Variants in KBTBD8 observed in about 807,000 individuals in gnomAD.
KBTBD8 encodes kelch repeat and BTB domain containing 8, also known as kelch repeat and BTB domain-containing protein 8.
In KBTBD8, 31 loss-of-function variants were observed where a neutral mutation model predicts 53.5. The ratio of observed to expected loss-of-function variants is 0.58; its 90% CI spans 0.44 to 0.78. KBTBD8 has a LOEUF of 0.78. Ranked by LOEUF, KBTBD8 falls within the 30% of genes least tolerant of loss-of-function variation. KBTBD8 has a pLI of 0.00. For synonymous variants in KBTBD8, 250 were observed against 247.3 expected, an observed-to-expected ratio of 1.01 and a Z score of -0.10; for missense variants, 642 against 735.8, an observed-to-expected ratio of 0.87 and a Z score of 1.48.
chr3:66,998,674 C>G (rs982699213), intron 1 of KBTBD8, among the ~76,000 whole-genome samples: 1 of 150,834 alleles, frequency 6.6e-6, no homozygotes, highest in African/African-American at 2.5e-5. Context: ...GCCCTCGGCT[C>G]TCGGCGGAGT....
At position 67,008,889 on chromosome 3, in the gene KBTBD8, G is replaced by A. The variant is rs115385435; in HGVS notation, c.*504G>A. ...ATCTATTTTTGTGTACTGTTTTCAA[G>A]TGTACTGAGATTTAAATGTGTTCTA... On this transcript the variant is annotated 3_prime_UTR_variant, in exon 4 of 4. Coordinates refer to ENST00000417314, the MANE Select transcript of KBTBD8 (RefSeq NM_032505.3). The A allele has an allele frequency of 7.4e-3, 1,135 of 154,116 alleles. 5 individuals are homozygous for A. The highest frequency in any genetic ancestry group is 0.017 in the Middle Eastern group (5 of 294). 9.5% of individuals were successfully genotyped at this position (154,116 alleles called of 1,614,324 possible).
rs761361658 is a variant in KBTBD8, at chr3:67,004,100, G to A, written c.1133G>A (p.Arg378Gln). The A allele has an allele frequency of 5.0e-6, 8 of 1,614,130 alleles. No homozygotes were observed. Among genetic ancestry groups the A allele is most frequent in the South Asian group, 1.1e-5 (1 of 91,078 alleles). Residue 378 changes from arginine (R) to glutamine (Q), a missense_variant, in exon 3 of 4, where the codon CGA (arginine) becomes CAA (glutamine). Coordinates refer to ENST00000417314, the MANE Select transcript of KBTBD8 (RefSeq NM_032505.3). ...TGGCTATCCAAACCATCCTTGCTTC[G>A]AGCCAGAATAGGCTGCAAACTTGTC... Reference protein sequence around the residue: ...NRWLSKPSLLRARIGCKLVYC... With the variant: ...NRWLSKPSLLQARIGCKLVYC...
chr3:66,998,976 C>T lies in KBTBD8; in HGVS notation c.17-5C>T, dbSNP rs1329584318. 1.9e-6 allele frequency: 3 copies of T among 1,585,576 alleles called. No homozygotes were observed. The highest frequency in any genetic ancestry group is 3.6e-5 in the Admixed American group (2 of 54,988). Reference sequence around the variant, plus strand: ...CTTGTAGTTGTACGATTTTTCTCCTCCTAGATTTAAGTAAGTCTTCCCCAA... The same window carrying T: ...CTTGTAGTTGTACGATTTTTCTCCTTCTAGATTTAAGTAAGTCTTCCCCAA... On this transcript the variant is annotated splice_region_variant and splice_polypyrimidine_tract_variant and intron_variant, in intron 1 of 3. Transcript: ENST00000417314.
chr3:67,001,315 G>T (rs1702016870), intron 2 of KBTBD8, among the ~76,000 whole-genome samples: 1 of 152,148 alleles, frequency 6.6e-6, no homozygotes, highest in African/African-American at 2.4e-5. Context: ...AATTAGAACG[G>T]CTGGAAATCT....
chr3:66,999,146 T>C lies in KBTBD8; in HGVS notation c.182T>C (p.Phe61Ser). The change falls in exon 2 of 4, where the codon TTT (phenylalanine) becomes TCT (serine). Residue 61 changes from phenylalanine (F) to serine (S), a missense_variant. Transcript: ENST00000417314. The part of the protein sequence containing the change: ...IVVEVDHGKT[F>S]SCHRNVLAAI... ...GTGGAAGTGGATCACGGGAAAACAT[T>C]TTCCTGTCATAGAAACGTTCTTGCT... 1.2e-6 allele frequency: 2 copies of C among 1,614,210 alleles called. No individual in the cohort carries two copies. The highest frequency in any genetic ancestry group is 8.5e-7 in the Non-Finnish European group (1 of 1,180,030).
intron 3 of KBTBD8, among the ~76,000 whole-genome samples, chr3:67,006,173 G>A (rs1260386305): frequency 6.6e-6 from 1 of 152,188 alleles, no homozygotes; most frequent in Admixed American, 6.5e-5. Context: ...ATGTCATCCA[G>A]TATGATGAAG....
intron 3 of KBTBD8, 129 bp from the exon 4 acceptor site, chr3:67,007,793 G>C: frequency 8.7e-6 from 5 of 572,478 alleles, no homozygotes; most frequent in Non-Finnish European, 1.5e-5. Context: ...GATTATAAAA[G>C]AAATGTTTTA....
intron 2 of KBTBD8, among the ~76,000 whole-genome samples, chr3:67,001,235 A>G (rs1366743534): frequency 6.6e-6 from 1 of 152,220 alleles, no homozygotes; most frequent in Non-Finnish European, 1.5e-5. Context: ...TCTTGGTACC[A>G]GCGCTGCTTC....
chr3:66,999,909 A>C (rs956457621), intron 2 of KBTBD8, among the ~76,000 whole-genome samples: 2 of 152,228 alleles, frequency 1.3e-5, no homozygotes, highest in Non-Finnish European at 2.9e-5. Flanking sequence ...GTCTACTATA[A>C]AACTTTTAAA....
At chr3:67,001,054 AT>A (rs1702014776) in intron 2 of KBTBD8, among the ~76,000 whole-genome samples, 1 of 152,126 alleles carries the variant, frequency 6.6e-6, no homozygotes, top group African/African-American at 2.4e-5. Flanking sequence ...AATTTTCTTG[AT>A]TCCTTAAAAT....
intron 2 of KBTBD8, 121 bp from the exon 3 acceptor site, chr3:67,003,074 A>G (rs1702031152): frequency 2.9e-6 from 3 of 1,043,460 alleles, no homozygotes; most frequent in East Asian, 2.4e-5. Context: ...ATCAGGGACT[A>G]TTTTAGGAAA....
rs1702109243 is a variant in KBTBD8 at position 67,010,616 on chromosome 3, TA to T, written c.*2234del. On this transcript the variant is annotated 3_prime_UTR_variant, in exon 4 of 4. Coordinates refer to ENST00000417314, the MANE Select transcript of KBTBD8 (RefSeq NM_032505.3). Reference sequence around the variant, plus strand: ...AATTTTGTATGAAGAACTATTTGTTTAAATTATATAGCTGGGATATTTTGCC... The same window carrying T: ...AATTTTGTATGAAGAACTATTTGTTTAATTATATAGCTGGGATATTTTGCC... 3.3e-5 allele frequency: 5 copies of T among 152,690 alleles called. No individual in the cohort carries two copies. In the Middle Eastern group the frequency reaches 0.014, roughly 415 times the overall value. 9.5% of individuals were successfully genotyped at this position (152,690 alleles called of 1,614,324 possible).
At chr3:66,998,447 G>A (rs1336968686) in intron 1 of KBTBD8, 76 bp downstream of exon 1, 1 of 1,126,930 alleles carries the variant, frequency 8.9e-7, no homozygotes, top group Non-Finnish European at 1.2e-6. Context: ...ACAGGCAGTG[G>A]GATGAGGACG....
At chr3:67,005,893 A>G (rs1702061039) in intron 3 of KBTBD8, among the ~76,000 whole-genome samples, 1 of 152,070 alleles carries the variant, frequency 6.6e-6, no homozygotes, top group Admixed American at 6.5e-5. Flanking sequence ...CCTGACCTGC[A>G]GTGATCCACC....
rs1443052820 is a variant in KBTBD8 at position 67,008,914 on chromosome 3, A to C, written c.*529A>C. 2 of 153,080 alleles carry C rather than the reference A, an allele frequency of 1.3e-5. No homozygotes were observed. The highest frequency in any genetic ancestry group is 1.3e-4 in the Admixed American group (2 of 15,374). 9.5% of individuals were successfully genotyped at this position (153,080 alleles called of 1,614,324 possible). On this transcript the variant is annotated 3_prime_UTR_variant, in exon 4 of 4. Coordinates refer to ENST00000417314, the MANE Select transcript of KBTBD8 (RefSeq NM_032505.3). The stretch of plus-strand genomic sequence containing the variant: ...GTGTACTGAGATTTAAATGTGTTCT[A>C]TTATTAGAGTAGATCGAAGAAAAAA...
intron 2 of KBTBD8, among the ~76,000 whole-genome samples, chr3:67,002,125 A>C: frequency 6.6e-6 from 1 of 152,226 alleles, no homozygotes; most frequent in Non-Finnish European, 1.5e-5. Flanking sequence ...AGAATCAGTT[A>C]ACTATTAAAC....
intron 2 of KBTBD8, 119 bp from the exon 3 acceptor site, chr3:67,003,076 T>G (rs1702031228): frequency 9.4e-6 from 10 of 1,059,274 alleles, no homozygotes; most frequent in Non-Finnish European, 1.4e-5. Flanking sequence ...CAGGGACTAT[T>G]TTAGGAAATA....
intron 2 of KBTBD8, among the ~76,000 whole-genome samples, chr3:67,001,237 C>T (rs1004064122): frequency 2.0e-5 from 3 of 152,080 alleles, no homozygotes; most frequent in Admixed American, 1.3e-4. Flanking sequence ...TTGGTACCAG[C>T]GCTGCTTCCT....
Position 67,008,132 on chromosome 3 carries a change from A to G in KBTBD8, c.1553A>G (p.Asp518Gly), listed in dbSNP as rs1291851408. Residue 518 changes from aspartate to glycine, a missense_variant, in exon 4 of 4, where the codon GAT becomes GGT. Asp to Gly is a moderately conservative substitution (Grantham distance 94, BLOSUM62 -1). Coordinates refer to ENST00000417314, the MANE Select transcript of KBTBD8 (RefSeq NM_032505.3). ...ACTCGTAAGAAAGACTTTCCATGTG[A>G]TCAGTCCATAAATCCATACCTTAAA... is the stretch of plus-strand genomic sequence containing the variant. ...KWTRKKDFPC[D>G]QSINPYLKLV... 1 of 1,613,982 alleles carries G rather than the reference A, an allele frequency of 6.2e-7. No homozygotes were observed. The highest frequency in any genetic ancestry group is 1.3e-5 in the African/African-American group (1 of 74,914).
Sources: gnomAD v4.1 joint callset for allele counts (sites outside exome capture counted in the v4.1 genomes callset) on GRCh38, gnomAD v4.1.1 for gene constraint, MANE v1.5 for transcripts, NCBI Gene and HGNC (gene_info 2026-07-23, HGNC 2026-07-21) for gene names.